RTL1: variants seen among roughly 807,000 people sequenced by gnomAD.
The protein encoded by RTL1 is retrotransposon-like protein 1.
For missense variants in RTL1, 1,681 were observed against 1,767.5 expected (o/e 0.95, Z 0.88); for synonymous variants, 727 against 748.4 (o/e 0.97, Z 0.47).
chr14:100,883,272 A>G lies in RTL1; in HGVS notation c.1517T>C (p.Ile506Thr), dbSNP rs1409051070. ...PSPNFSVVLG[I>T]RWLRVHAPEV... is the part of the protein sequence containing the mutation. ...GGGGGCGTGGACTCGGAGCCAGCGG[A>G]TGCCTAGGACCACAGAGAAGTTCGG... The change falls in exon 4 of 4, where the codon ATC becomes ACC. Residue 506 changes from isoleucine (I) to threonine (T), a missense_variant. By Grantham distance (89) the Ile-to-Thr change is moderately conservative. Coordinates refer to ENST00000649591, the MANE Select transcript of RTL1 (RefSeq NM_001134888.3). This position sits in a 1 kb window ranked among gnomAD's most constrained non-coding sequence, Gnocchi z 5.9. 6.4e-7 allele frequency: 1 copy of G among 1,550,868 alleles called. No individual in the cohort carries two copies. Among genetic ancestry groups the G allele is most frequent in the Non-Finnish European group, 8.7e-7 (1 of 1,146,672 alleles).
At chr14:100,889,267 T>C (rs2038736237) in intron 3 of RTL1, among the ~76,000 whole-genome samples, 2 of 152,212 alleles carry the variant, frequency 1.3e-5, no homozygotes, top group South Asian at 4.1e-4. Flanking sequence ...GCACCCACTT[T>C]TAATCATGGC....
rs549437314 is a variant in RTL1, at chr14:100,882,677, C to T, written c.2112G>A (p.Ala704=). The T allele has an allele frequency of 6.1e-4, 943 of 1,551,974 alleles. 2 individuals are homozygous for T. Among genetic ancestry groups the T allele is most frequent in the South Asian group, 2.1e-3 (176 of 84,058 alleles). The change falls in exon 4 of 4, where the codon GCG becomes GCA. Residue 704 remains alanine (A), a synonymous_variant. Coordinates refer to ENST00000649591, the MANE Select transcript of RTL1 (RefSeq NM_001134888.3). ...GAGGTATGATAGGGTCTGGGGAGAGCGCAAACGGCTGGTAGCTCTTCATCT... is the reference window on the plus strand; with the variant it reads ...GAGGTATGATAGGGTCTGGGGAGAGTGCAAACGGCTGGTAGCTCTTCATCT... ...LEEMKSYQPF[A]LSPDPIIPQN...
At chr14:100,896,222 G>C (rs1363907446) in intron 2 of RTL1, among the ~76,000 whole-genome samples, 1 of 152,216 alleles carries the variant, frequency 6.6e-6, no homozygotes, top group East Asian at 1.9e-4. Flanking sequence ...CATGCAGGCC[G>C]AGGGCTGCTT....
chr14:100,902,296 G>A (rs2038953264), intron 2 of RTL1, among the ~76,000 whole-genome samples: 1 of 152,202 alleles, frequency 6.6e-6, no homozygotes, highest in Non-Finnish European at 1.5e-5. Flanking sequence ...TTTCTGTGCT[G>A]AATGGCAATA....
rs778405484 is a variant in RTL1 at position 100,882,110 on chromosome 14, G to A, written c.2679C>T (p.Ile893=). 1 of 1,563,812 alleles carries A rather than the reference G, an allele frequency of 6.4e-7. No homozygotes were observed. The highest frequency in any genetic ancestry group is 2.4e-5 in the East Asian group (1 of 41,744). The change falls in exon 4 of 4, where the codon ATC becomes ATT. Residue 893 remains isoleucine, a synonymous_variant. Transcript: ENST00000649591. ...GTALHASLIQ[I]DDQTGKRACC... is the part of the protein sequence containing the mutation. ...AGGCTCTCTTGCCGGTTTGGTCGTC[G>A]ATTTGGATCAGGGAGGCGTGCAGGG...
chr14:100,891,352 G>T (rs768274068), intron 3 of RTL1, among the ~76,000 whole-genome samples: 1 of 152,220 alleles, frequency 6.6e-6, no homozygotes, highest in Admixed American at 6.5e-5. Flanking sequence ...ATGGGCCTCG[G>T]ACTTCATCGT....
chr14:100,884,664 C>T lies in RTL1; in HGVS notation c.125G>A (p.Arg42Gln), dbSNP rs535559650. 51 of 1,613,644 alleles carry T rather than the reference C, an allele frequency of 3.2e-5. No homozygotes were observed. Among genetic ancestry groups the T allele is most frequent in the Middle Eastern group, 1.7e-4 (1 of 5,994 alleles). ...TTEATSGSGV[R>Q]GEAGPASGPA... ...GCCGCTGGCTGGCCCTGCCTCTCCC[C>T]GCACTCCACTGCCCGACGTCGCCTC... The change falls in exon 4 of 4, where the codon CGG becomes CAG. Residue 42 changes from arginine (R) to glutamine (Q), a missense_variant. Coordinates refer to ENST00000649591, the MANE Select transcript of RTL1 (RefSeq NM_001134888.3).
In RTL1 at chr14:100,882,006, C is replaced by T. The variant is rs1247748834; in HGVS notation, c.2783G>A (p.Arg928Gln). 1 of 1,613,376 alleles carries T rather than the reference C, an allele frequency of 6.2e-7. No homozygotes were observed. The highest frequency in any genetic ancestry group is 1.3e-5 in the African/African-American group (1 of 74,910). Residue 928 changes from arginine (R) to glutamine (Q), a missense_variant, in exon 4 of 4, where the codon CGG becomes CAG. Coordinates refer to ENST00000649591, the MANE Select transcript of RTL1 (RefSeq NM_001134888.3). ...GCGGCACCACACCATGAAGGCAGCC[C>T]GTATTGGAAGAATCTTCATCTCCGC... ...SQAEMKILPI[R>Q]AAFMVWCRYL...
intron 3 of RTL1, among the ~76,000 whole-genome samples, chr14:100,885,233 A>G (rs1306164964): frequency 6.6e-6 from 1 of 152,160 alleles, no homozygotes; most frequent in Admixed American, 6.5e-5. Context: ...TGGCACATGC[A>G]CCTGGTCAAT....
Sources: gnomAD v4.1 joint callset for allele counts (sites outside exome capture counted in the v4.1 genomes callset) on GRCh38, gnomAD v4.1.1 for gene constraint, Gnocchi (gnomAD v3.1) non-coding constraint, MANE v1.5 for transcripts, NCBI Gene and HGNC (gene_info 2026-07-23, HGNC 2026-07-21) for gene names.